Variants in FBXL13 observed in about 807,000 individuals in gnomAD.
The protein encoded by FBXL13 is F-box and leucine-rich repeat protein 13.
A neutral mutation model predicts 83.6 loss-of-function variants in FBXL13; 67 were observed. The observed-to-expected ratio is 0.80, with a 90% confidence interval of 0.66 to 0.98. The LOEUF (loss-of-function observed/expected upper bound fraction) is 0.98. FBXL13 is among the 50% of genes least tolerant of loss of function. FBXL13 has a pLI of 0.00. For synonymous variants in FBXL13, 272 were observed against 299.5 expected, an observed-to-expected ratio of 0.91 and a Z score of 0.95; for missense variants, 822 against 866.5, an observed-to-expected ratio of 0.95 and a Z score of 0.64.
At chr7:103,068,014 T>C (rs1484264357) in intron 1 of FBXL13, among the ~76,000 whole-genome samples, 2 of 152,068 alleles carry the variant, frequency 1.3e-5, no homozygotes, top group African/African-American at 2.4e-5. Context: ...AATTAAGAGA[T>C]AAGTGGATGA....
At chr7:103,044,702 A>C (rs1796096116) in intron 2 of FBXL13, among the ~76,000 whole-genome samples, 2 of 152,166 alleles carry the variant, frequency 1.3e-5, no homozygotes, top group South Asian at 2.1e-4. Flanking sequence ...AGATTTTTTA[A>C]ATTTTATATA....
At chr7:102,896,731 T>A (rs979577264) in intron 11 of FBXL13, among the ~76,000 whole-genome samples, 1 of 152,204 alleles carries the variant, frequency 6.6e-6, no homozygotes, top group South Asian at 2.1e-4. Context: ...AATTTCCTTC[T>A]TGCAAAAGAA....
At chr7:102,935,265 TTTTTG>T in intron 8 of FBXL13, among the ~76,000 whole-genome samples, 1 of 88,938 alleles carries the variant, frequency 1.1e-5, no homozygotes, top group African/African-American at 3.1e-5. Flanking sequence ...TTTTTTTTTT[TTTTTG>T]AGATGGACTC....
intron 8 of FBXL13, among the ~76,000 whole-genome samples, chr7:102,942,566 A>G (rs1296243436): frequency 1.3e-5 from 2 of 152,244 alleles, no homozygotes; most frequent in Non-Finnish European, 2.9e-5. Context: ...GAATGTTTAC[A>G]TATGCTTTTA....
intron 11 of FBXL13, among the ~76,000 whole-genome samples, chr7:102,886,282 G>A (rs1810778636): frequency 2.0e-5 from 3 of 152,328 alleles, no homozygotes. Flanking sequence ...CTCCCCTGAA[G>A]GGTCATCTCC....
intron 8 of FBXL13, among the ~76,000 whole-genome samples, chr7:102,937,954 T>C (rs1820656921): frequency 6.6e-6 from 1 of 152,226 alleles, no homozygotes; most frequent in Non-Finnish European, 1.5e-5. Context: ...ATGGTGTGTA[T>C]AGGGGACCTA....
At chr7:102,814,261 G>C (rs964872315) in intron 19 of FBXL13, 4 of 152,150 alleles carry the variant, frequency 2.6e-5, no homozygotes, top group Non-Finnish European at 5.9e-5. Flanking sequence ...GACCACTTCT[G>C]TACGATTAGA....
At chr7:102,925,398 A>G (rs761514293) in intron 10 of FBXL13, among the ~76,000 whole-genome samples, 1 of 152,156 alleles carries the variant, frequency 6.6e-6, no homozygotes, top group Non-Finnish European at 1.5e-5. Flanking sequence ...CTGTTTGAAA[A>G]CAAACTAAAA....
intron 11 of FBXL13, among the ~76,000 whole-genome samples, chr7:102,892,603 T>G (rs953787159): frequency 1.1e-4 from 16 of 152,190 alleles, no homozygotes; most frequent in Non-Finnish European, 2.1e-4. Context: ...TCATAACTAC[T>G]TTTCCACTAG....
chr7:102,858,187 AATAAG>A (rs1563003880), intron 16 of FBXL13, among the ~76,000 whole-genome samples: 1 of 152,234 alleles, frequency 6.6e-6, no homozygotes, highest in Non-Finnish European at 1.5e-5. Flanking sequence ...TGTTAAGCAA[AATAAG>A]ATAAGCACAG....
intron 6 of FBXL13, among the ~76,000 whole-genome samples, chr7:102,983,710 C>T (rs965067006): frequency 4.6e-5 from 7 of 151,966 alleles, no homozygotes; most frequent in Admixed American, 6.6e-5. Flanking sequence ...CATGAGCCAC[C>T]GCACCCAGCA....
chr7:103,074,644 C>T (rs1253233202), upstream of FBXL13: 47 of 1,275,164 alleles, frequency 3.7e-5, no homozygotes, highest in Non-Finnish European at 4.7e-5. Context: ...GACTCCTCCC[C>T]CTTCTAACTC....
At chr7:102,854,355 A>T (rs57350619) in intron 17 of FBXL13, among the ~76,000 whole-genome samples, 1 of 148,918 alleles carries the variant, frequency 6.7e-6, no homozygotes. Flanking sequence ...GGAACATCAC[A>T]TTCTGGGGAC....
chr7:103,048,687 T>C (rs1305156737), intron 2 of FBXL13, among the ~76,000 whole-genome samples: 1 of 152,208 alleles, frequency 6.6e-6, no homozygotes, highest in Non-Finnish European at 1.5e-5. Context: ...TGCTTTTATT[T>C]CAATGTTCAA....
At chr7:103,074,555 C>T (rs757819884) in exon 1 of FBXL13, 73 of 1,218,378 alleles carry the variant, frequency 6.0e-5, no homozygotes, top group Non-Finnish European at 7.4e-5. Context: ...TTTGACTTCA[C>T]TTTCTCGCAT....
intron 10 of FBXL13, among the ~76,000 whole-genome samples, chr7:102,921,525 C>T (rs1817024618): frequency 6.6e-6 from 1 of 151,148 alleles, no homozygotes; most frequent in African/African-American, 2.4e-5. Context: ...ACTAAAAATA[C>T]AAAAATTAGC....
At chr7:102,998,237 A>G (rs1285667276) in intron 6 of FBXL13, among the ~76,000 whole-genome samples, 1 of 152,156 alleles carries the variant, frequency 6.6e-6, no homozygotes, top group Non-Finnish European at 1.5e-5. Context: ...TCAAAATCAA[A>G]TTATTTGTTC....
rs146523505 is a variant in FBXL13 at position 103,018,986 on chromosome 7, A to G, written c.495+6077T>C. ...CACCAAGCAGACCTAATACACATCTACAGAACTCTCCACCCCAAATCAACA... is the reference window on the plus strand; with the variant it reads ...CACCAAGCAGACCTAATACACATCTGCAGAACTCTCCACCCCAAATCAACA... On this transcript the variant is annotated intron_variant, in intron 6 of 19. Transcript: ENST00000313221. Among the ~76,000 whole-genome samples, 764 of 152,316 alleles carry G rather than the reference A, an allele frequency of 5.0e-3. 3 individuals carry two copies. The highest frequency in any genetic ancestry group is 8.8e-3 in the Non-Finnish European group (601 of 68,018).
chr7:102,897,016 T>C (rs1363768426), intron 11 of FBXL13, among the ~76,000 whole-genome samples: 1 of 152,060 alleles, frequency 6.6e-6, no homozygotes, highest in Non-Finnish European at 1.5e-5. Flanking sequence ...GGAATTTTTT[T>C]TTTTTAAGAT....
Sources: gnomAD v4.1 joint callset for allele counts (sites outside exome capture counted in the v4.1 genomes callset) on GRCh38, gnomAD v4.1.1 for gene constraint, MANE v1.5 for transcripts, NCBI Gene and HGNC (gene_info 2026-07-23, HGNC 2026-07-21) for gene names.